MMP8: variants seen among roughly 807,000 people sequenced by gnomAD.
The protein encoded by MMP8 is neutrophil collagenase.
In MMP8, 67 loss-of-function variants were observed where a neutral mutation model predicts 51.2. The ratio of observed to expected loss-of-function variants is 1.31; its 90% confidence interval spans 1.08 to 1.60. MMP8 has a LOEUF of 1.60. MMP8 is among the 40% of genes most tolerant of loss of function. The pLI is 0.00. For missense variants in MMP8, 654 were observed against 558.1 expected, an observed-to-expected ratio of 1.17 and a Z score of -1.73; for synonymous variants, 225 against 191.0, an observed-to-expected ratio of 1.18 and a Z score of -1.47.
intron 1 of MMP8, chr11:102,723,203 G>C (rs1274264020): frequency 6.5e-6 from 3 of 460,312 alleles, no homozygotes; most frequent in Non-Finnish European, 1.2e-5. Context: ...TATCTTTTAG[G>C]GGAACAGCAA....
intron 4 of MMP8, among the ~76,000 whole-genome samples, chr11:102,719,821 T>C (rs1861416299): frequency 6.6e-6 from 1 of 152,214 alleles, no homozygotes. Context: ...AGGAGAGATG[T>C]GTGCAAACAA....
intron 5 of MMP8, among the ~76,000 whole-genome samples, chr11:102,716,725 A>C (rs1168406693): frequency 2.0e-5 from 3 of 152,076 alleles, no homozygotes; most frequent in Non-Finnish European, 2.9e-5. Context: ...CTGACTTTTC[A>C]GTTCCTCTTT....
rs1220382730 is a variant in MMP8 at position 102,714,630 on chromosome 11, G to T, written c.1116C>A (p.Ser372Arg). The T allele has an allele frequency of 1.9e-6, 3 of 1,550,392 alleles. No individual in the cohort carries two copies. The highest frequency in any genetic ancestry group is 2.5e-5 in the East Asian group (1 of 39,410). The change falls in exon 8 of 10, where the codon AGC (serine) becomes AGA (arginine). Residue 372 changes from serine to arginine, a missense_variant. Ser to Arg is a moderately radical substitution (Grantham distance 110). Coordinates refer to ENST00000236826, the MANE Select transcript of MMP8 (RefSeq NM_002424.3). Reference sequence around the variant, plus strand: ...CAGCTGCGTCAATTGCTTGGACGCTGCTGGGGAAGCCATAGTTTGATATAT... The same window carrying T: ...CAGCTGCGTCAATTGCTTGGACGCTTCTGGGGAAGCCATAGTTTGATATAT... ...PKDISNYGFP[S>R]SVQAIDAAVF...
intron 1 of MMP8, 35 bp from the exon 2 acceptor site, chr11:102,722,708 G>A: frequency 6.2e-7 from 1 of 1,607,352 alleles, no homozygotes; most frequent in Non-Finnish European, 8.5e-7. Flanking sequence ...GTCTTGCTGT[G>A]AAAGGACCTC....
chr11:102,723,052 C>A, intron 1 of MMP8: 1 of 1,291,438 alleles, frequency 7.7e-7, no homozygotes, highest in Non-Finnish European at 1.0e-6. Flanking sequence ...TTATCCTCTT[C>A]ACTACTGTAG....
intron 1 of MMP8, 62 bp downstream of exon 1, chr11:102,724,692 C>A (rs1861568196): frequency 5.0e-6 from 7 of 1,400,718 alleles, no homozygotes; most frequent in Middle Eastern, 3.7e-4. Context: ...CAAGAGAAAA[C>A]AACCCACACT....
chr11:102,716,413 GA>G lies in MMP8; in HGVS notation c.790del (p.Ser264GlnfsTer20). The stretch of plus-strand genomic sequence containing the variant: ...TCCAGTAGGTTGGATAGGGTTGCTT[GA>G]AAGTCCTGGAAAAAAAAAAAAAAAA... The part of the protein sequence containing the change: ...IDGIQAIYGL[S>X]SNPIQPTGPS... On this transcript the variant is annotated frameshift_variant, in exon 6 of 10. Transcript: ENST00000236826. LOFTEE classifies it high-confidence loss of function. The G allele has an allele frequency of 1.8e-6, 1 of 570,748 alleles. No individual in the cohort carries two copies. The highest frequency in any genetic ancestry group is 2.8e-6 in the Non-Finnish European group (1 of 362,736). The allele number at this position is 570,748 out of a possible 1,614,324, so 35.4% of individuals were successfully genotyped here.
At chr11:102,723,698 C>A in intron 1 of MMP8, 1 of 303,790 alleles carries the variant, frequency 3.3e-6, no homozygotes, top group Non-Finnish European at 6.6e-6. Context: ...AAAATTAATC[C>A]AGTCACACAA....
intron 1 of MMP8, among the ~76,000 whole-genome samples, chr11:102,724,382 T>C (rs1191648321): frequency 2.0e-5 from 3 of 152,166 alleles, no homozygotes; most frequent in Non-Finnish European, 2.9e-5. Flanking sequence ...AAAATGCCTG[T>C]ATGGAAGCAC....
intron 2 of MMP8, 107 bp downstream of exon 2, chr11:102,722,322 G>T (rs1940474): frequency 0.52 from 613,592 of 1,185,584 alleles, 160,744 homozygotes; most frequent in East Asian, 0.67. Flanking sequence ...CAAAGGCAGG[G>T]ATATTTATCT....
chr11:102,713,646 G>A, intron 9 of MMP8, 108 bp downstream of exon 9: 1 of 1,089,738 alleles, frequency 9.2e-7, no homozygotes, highest in Non-Finnish European at 1.3e-6. Context: ...TGGGAGGATT[G>A]CTTGAGGCCA....
rs1273567809 is a variant in MMP8 at position 102,721,697 on chromosome 11, T to A, written c.413A>T (p.Glu138Val). Residue 138 changes from glutamate to valine, a missense_variant, in exon 3 of 10, where the codon GAA becomes GTA. Coordinates refer to ENST00000236826, the MANE Select transcript of MMP8 (RefSeq NM_002424.3). ...EVERAIKDAF[E>V]LWSVASPLIF... is the part of the protein sequence containing the mutation. The stretch of plus-strand genomic sequence containing the variant: ...GAGAGGTGATGCAACACTCCAGAGT[T>A]CAAAGGCATCCTTGATAGCTCTTTC... 1 of 1,613,762 alleles carries A rather than the reference T, an allele frequency of 6.2e-7. No individual in the cohort carries two copies. Among genetic ancestry groups the A allele is most frequent in the South Asian group, 1.1e-5 (1 of 91,084 alleles).
rs141116762 is a variant in MMP8, at chr11:102,713,753, C to G, written c.1294+1G>C. The G allele has an allele frequency of 1.1e-4, 183 of 1,592,906 alleles. No homozygotes were observed. The highest frequency in any genetic ancestry group is 1.6e-4 in the Non-Finnish European group (182 of 1,169,250). On this transcript the variant is annotated splice_donor_variant, in intron 9 of 9. Coordinates refer to ENST00000236826, the MANE Select transcript of MMP8 (RefSeq NM_002424.3). LOFTEE classifies it high-confidence loss of function. ...TTATTAGGTTTTTTTTTCCTACTTA[C>G]GTTCTTGCTGGAAAACTGCATCAAC...
intron 1 of MMP8, 93 bp downstream of exon 1, chr11:102,724,661 C>A: frequency 2.6e-6 from 3 of 1,140,610 alleles, no homozygotes; most frequent in Non-Finnish European, 3.7e-6. Flanking sequence ...CAAATAATTT[C>A]TTTCAGGCTG....
chr11:102,713,807 G>C lies in MMP8; in HGVS notation c.1241C>G (p.Ser414Ter), dbSNP rs781274872. Residue 414 changes from serine to a stop codon, truncating the protein, a stop_gained, in exon 9 of 10, where the codon TCA becomes TGA. Coordinates refer to ENST00000236826, the MANE Select transcript of MMP8 (RefSeq NM_002424.3). LOFTEE classifies it high-confidence loss of function. ...ACTCTCTATTCCTGGAAAGGCACCT[G>C]ATATGCTTTTGGGATAACCTGGCTC... ...FMEPGYPKSI[S>*]GAFPGIESKV... The C allele has an allele frequency of 6.2e-7, 1 of 1,612,422 alleles. No homozygotes were observed. The highest frequency in any genetic ancestry group is 8.5e-7 in the Non-Finnish European group (1 of 1,179,296).
rs193012206 is a variant in MMP8, at chr11:102,712,209, T to A, written c.*1139A>T. On this transcript the variant is annotated 3_prime_UTR_variant, in exon 10 of 10. Coordinates refer to ENST00000236826, the MANE Select transcript of MMP8 (RefSeq NM_002424.3). ...ACCCCAGGAAATAGAAGTAAAGAACTGACGAACATCAGATCCAACTGGCCC... is the reference window on the plus strand; with the variant it reads ...ACCCCAGGAAATAGAAGTAAAGAACAGACGAACATCAGATCCAACTGGCCC... The A allele has an allele frequency of 2.0e-5, 3 of 152,300 alleles. No individual in the cohort carries two copies. The East Asian group carries it at 5.8e-4, about 29-fold the overall frequency. The allele number at this position is 152,300 out of a possible 1,614,324, so 9.4% of individuals were successfully genotyped here. A position where few individuals can be genotyped will look rare whatever the true frequency, so the allele number is the denominator to read the frequency against.
At chr11:102,717,940 C>G (rs1861347144) in intron 5 of MMP8, among the ~76,000 whole-genome samples, 2 of 152,108 alleles carry the variant, frequency 1.3e-5, no homozygotes, top group Non-Finnish European at 2.9e-5. Flanking sequence ...AATCACCTCT[C>G]TACTGAAAAT....
At chr11:102,718,658 A>G (rs1053984835) in intron 4 of MMP8, 83 bp from the exon 5 acceptor site, 7 of 1,500,314 alleles carry the variant, frequency 4.7e-6, no homozygotes, top group South Asian at 2.4e-5. Flanking sequence ...GCAACCTCCA[A>G]GTCAAAACTG....
At chr11:102,719,840 C>G (rs530663121) in intron 4 of MMP8, among the ~76,000 whole-genome samples, 127 of 152,302 alleles carry the variant, frequency 8.3e-4, no homozygotes, top group Non-Finnish European at 1.6e-3. Flanking sequence ...AACTTGAAAG[C>G]ACACAGTGAG....
Sources: allele counts gnomAD v4.1 joint callset (sites outside exome capture counted in the v4.1 genomes callset), GRCh38; gene constraint gnomAD v4.1.1; transcripts MANE v1.5; gene names NCBI Gene and HGNC (gene_info 2026-07-23, HGNC 2026-07-21).